The following KCNH7 variants were observed in gnomAD, a reference collection of about 807,000 sequenced individuals.
KCNH7 encodes the protein potassium voltage-gated channel subfamily H member 7, also known as voltage-gated inwardly rectifying potassium channel KCNH7.
Under a neutral mutation model 120.8 loss-of-function variants are expected in KCNH7, and 49 were observed. The observed-to-expected ratio is 0.41, with a 90% CI of 0.32 to 0.51. KCNH7 has a LOEUF of 0.51. Among genes scored for constraint, KCNH7 ranks in the 20% least tolerant of loss-of-function variants. The pLI, the probability that KCNH7 is intolerant of heterozygous loss-of-function variation, is 0.38. For missense variants in KCNH7, 1,097 were observed against 1,446.6 expected (o/e 0.76, Z 3.92); for synonymous variants, 547 against 516.1 (o/e 1.06, Z -0.81).
At chr2:162,777,555 T>C (rs1348127687) in intron 2 of KCNH7, among the ~76,000 whole-genome samples, 2 of 152,166 alleles carry the variant, frequency 1.3e-5, no homozygotes, top group African/African-American at 2.4e-5. Context: ...AGGAGACGAA[T>C]ATATGTTGAG....
At chr2:162,579,199 A>T (rs1463334476) in intron 2 of KCNH7, among the ~76,000 whole-genome samples, 1 of 152,064 alleles carries the variant, frequency 6.6e-6, no homozygotes, top group African/African-American at 2.4e-5. Context: ...TGGGGCCAGA[A>T]GGGAGACTTC....
At chr2:162,451,250 G>A (rs182868087) in intron 6 of KCNH7, among the ~76,000 whole-genome samples, 1 of 152,028 alleles carries the variant, frequency 6.6e-6, no homozygotes, top group East Asian at 1.9e-4. Context: ...TGGTAAAATG[G>A]GAAATGTTTA....
rs184027049 is a variant in KCNH7, at chr2:162,831,554, C to T, written c.307+4983G>A. 4.1e-4 allele frequency among the ~76,000 whole-genome samples: 63 copies of T among 152,286 alleles called. 1 individual carries two copies. Among genetic ancestry groups the T allele is most frequent in the Admixed American group, 2.0e-3 (31 of 15,294 alleles). On this transcript the variant is annotated intron_variant, in intron 2 of 15. Transcript: ENST00000332142. ...CCAGATGAATGGTGACACCTCAAAA[C>T]TTAATACACCAACTGTTACTTCCCT...
chr2:162,658,851 T>C (rs1684858247), intron 2 of KCNH7, among the ~76,000 whole-genome samples: 1 of 152,242 alleles, frequency 6.6e-6, no homozygotes, highest in Non-Finnish European at 1.5e-5. Flanking sequence ...AATTGCTTAT[T>C]AGTTCCAGGA....
chr2:162,537,061 GT>G lies in KCNH7; in HGVS notation c.326del (p.Asn109ThrfsTer4). On this transcript the variant is annotated frameshift_variant, in exon 3 of 16. Coordinates refer to ENST00000332142, the MANE Select transcript of KCNH7 (RefSeq NM_033272.4). LOFTEE classifies it high-confidence loss of function. Reference sequence around the variant, plus strand: ...GGTTTTTCACTGGAATTATGTGAGTGTTACAAATAAAAGTGGACCCTAAGGA... The same window carrying G: ...GGTTTTTCACTGGAATTATGTGAGTGTACAAATAAAAGTGGACCCTAAGGA... ...YHKNGSTFIC[N>X]THIIPVKNQE... 1 of 1,611,924 alleles carries G rather than the reference GT, an allele frequency of 6.2e-7. No homozygotes were observed. The highest frequency in any genetic ancestry group is 8.5e-7 in the Non-Finnish European group (1 of 1,178,528).
intron 3 of KCNH7, among the ~76,000 whole-genome samples, chr2:162,528,950 G>A (rs1193925742): frequency 1.3e-5 from 2 of 152,030 alleles, no homozygotes; most frequent in South Asian, 4.1e-4. Flanking sequence ...GTATCATGCC[G>A]AGGTTCTGGC....
rs375246603 is a variant in KCNH7, at chr2:162,373,515, C to T, written c.3279G>A (p.Pro1093=). ...TTCGGTCAGTTTTGATGGATGCTTCCGGTTGACTGGTTCTCATCAGCTGGA... is the reference window on the plus strand; with the variant it reads ...TTCGGTCAGTTTTGATGGATGCTTCTGGTTGACTGGTTCTCATCAGCTGGA... ...PIIQLMRTSQ[P]EASIKTDRSF... is the part of the protein sequence containing the mutation. The change falls in exon 15 of 16, where the codon CCG becomes CCA. Residue 1093 remains proline (P), a synonymous_variant. Transcript: ENST00000332142. The T allele has an allele frequency of 2.0e-5, 31 of 1,574,680 alleles. No individual in the cohort carries two copies. Among genetic ancestry groups the T allele is most frequent in the Admixed American group, 7.3e-5 (4 of 54,470 alleles).
chr2:162,777,629 C>T (rs751223439), intron 2 of KCNH7, among the ~76,000 whole-genome samples: 14 of 152,086 alleles, frequency 9.2e-5, no homozygotes, highest in Non-Finnish European at 1.6e-4. Flanking sequence ...ATTACAGTAT[C>T]TCATTTTATT....
intron 7 of KCNH7, among the ~76,000 whole-genome samples, chr2:162,440,383 G>A (rs1033657269): frequency 1.3e-5 from 2 of 151,796 alleles, no homozygotes; most frequent in South Asian, 2.1e-4. Context: ...ATGTTAACAC[G>A]AGATAAGTAA....
intron 2 of KCNH7, among the ~76,000 whole-genome samples, chr2:162,538,776 A>G (rs928495394): frequency 8.5e-5 from 13 of 152,080 alleles, no homozygotes; most frequent in African/African-American, 2.7e-4. Context: ...ACAATTATTT[A>G]TAAAATTGTT....
chr2:162,394,408 A>G lies in KCNH7; in HGVS notation c.2691T>C (p.Phe897=), dbSNP rs775997678. Residue 897 remains phenylalanine, a synonymous_variant, in exon 12 of 16, where the codon TTT becomes TTC. Coordinates refer to ENST00000332142, the MANE Select transcript of KCNH7 (RefSeq NM_033272.4). ...AATTACCTTTCTCTCCTTCACTTTCAAATGACAATTTCCTTCTTCTTAGTT... is the reference window on the plus strand; with the variant it reads ...AATTACCTTTCTCTCCTTCACTTTCGAATGACAATTTCCTTCTTCTTAGTT... ...NCKLRRRKLS[F]ESEGEKENST... The G allele has an allele frequency of 6.3e-7, 1 of 1,591,194 alleles. No individual in the cohort carries two copies. The highest frequency in any genetic ancestry group is 2.2e-5 in the East Asian group (1 of 44,566).
intron 2 of KCNH7, among the ~76,000 whole-genome samples, chr2:162,644,311 C>A (rs1559060780): frequency 6.7e-6 from 1 of 148,300 alleles, no homozygotes; most frequent in Non-Finnish European, 1.5e-5. Flanking sequence ...TAAAGTTTTT[C>A]TTTTTTTTTT....
chr2:162,396,998 TCTC>T (rs1302482730), intron 10 of KCNH7, 53 bp from the exon 11 acceptor site: 1 of 1,239,910 alleles, frequency 8.1e-7, no homozygotes, highest in Admixed American at 1.8e-5. Context: ...AACTCAATGT[TCTC>T]CTTCTAAAAG....
At chr2:162,586,334 A>C (rs1001993307) in intron 2 of KCNH7, among the ~76,000 whole-genome samples, 1 of 152,084 alleles carries the variant, frequency 6.6e-6, no homozygotes, top group Non-Finnish European at 1.5e-5. Context: ...TGGAACGTTG[A>C]GAGCACCAGA....
intron 2 of KCNH7, among the ~76,000 whole-genome samples, chr2:162,653,308 G>T (rs1559065701): frequency 2.0e-5 from 3 of 152,140 alleles, no homozygotes; most frequent in Non-Finnish European, 4.4e-5. Flanking sequence ...AAATTAAGTT[G>T]TCTTGTTTGC....
At chr2:162,732,128 T>C (rs1041788560) in intron 2 of KCNH7, among the ~76,000 whole-genome samples, 1 of 151,850 alleles carries the variant, frequency 6.6e-6, no homozygotes, top group Non-Finnish European at 1.5e-5. Flanking sequence ...GGGAGCAAGA[T>C]GCACTGGCAG....
Position 162,833,079 on chromosome 2 carries a change from T to A in KCNH7, c.307+3458A>T, listed in dbSNP as rs149457781. On this transcript the variant is annotated intron_variant, in intron 2 of 15. Transcript: ENST00000332142. Reference sequence around the variant, plus strand: ...TCAAAAAATAATATATTTTAAGTCATCCTTTCCTACTGAGTAAAGACGTTT... The same window carrying A: ...TCAAAAAATAATATATTTTAAGTCAACCTTTCCTACTGAGTAAAGACGTTT... Among the ~76,000 whole-genome samples the A allele has an allele frequency of 3.1e-3, 469 of 152,268 alleles. 2 individuals are homozygous for A. The highest frequency in any genetic ancestry group is 0.016 in the Admixed American group (238 of 15,286).
chr2:162,403,419 T>C (rs1687119708), intron 9 of KCNH7, among the ~76,000 whole-genome samples: 2 of 152,016 alleles, frequency 1.3e-5, no homozygotes, highest in Admixed American at 6.6e-5. Context: ...GTTGTCACTG[T>C]GAGTAGCCCT....
At chr2:162,608,813 T>G (rs541804531) in intron 2 of KCNH7, among the ~76,000 whole-genome samples, 3 of 152,296 alleles carry the variant, frequency 2.0e-5, no homozygotes, top group Non-Finnish European at 2.9e-5. Flanking sequence ...ATTCACTTAT[T>G]TTCTATGGCA....
Sources: gnomAD v4.1 joint callset for allele counts (sites outside exome capture counted in the v4.1 genomes callset) on GRCh38, gnomAD v4.1.1 for gene constraint, MANE v1.5 for transcripts, NCBI Gene and HGNC (gene_info 2026-07-23, HGNC 2026-07-21) for gene names.